The following KIF3A variants were observed in gnomAD, a reference collection of about 807,000 sequenced individuals.
KIF3A encodes the protein kinesin-like protein KIF3A.
In KIF3A, 27 loss-of-function variants were observed where a neutral mutation model predicts 92.6. The ratio of observed to expected loss-of-function variants is 0.29; its 90% CI spans 0.21 to 0.40. KIF3A has a LOEUF of 0.40. Among genes scored for constraint, KIF3A ranks in the 10% least tolerant of loss-of-function variants. The pLI, the probability that KIF3A is intolerant of heterozygous loss-of-function variation, is 1.00. For missense variants in KIF3A, 581 were observed against 872.6 expected (o/e 0.67, Z 4.21); for synonymous variants, 250 against 275.4 (o/e 0.91, Z 0.92).
downstream of KIF3A, among the ~76,000 whole-genome samples, chr5:132,690,319 A>C (rs1340916697): frequency 2.0e-5 from 3 of 152,172 alleles, no homozygotes; most frequent in African/African-American, 4.8e-5. Context: ...TGAACCCAGG[A>C]GTTCAAGGGG....
In KIF3A at chr5:132,730,474, GAA is replaced by G. The variant is rs59421775; in HGVS notation, c.280+3729_280+3730del. Among the ~76,000 whole-genome samples, 14 of 124,734 alleles carry G rather than the reference GAA, an allele frequency of 1.1e-4. 1 individual carries two copies. Among genetic ancestry groups the G allele is most frequent in the African/African-American group, 2.5e-4 (9 of 36,268 alleles). 81.8% of individuals were successfully genotyped at this position (124,734 alleles called of 152,430 possible). A position where few individuals can be genotyped will look rare whatever the true frequency, so the allele number is the denominator to read the frequency against. On this transcript the variant is annotated intron_variant, in intron 2 of 18. Coordinates refer to ENST00000403231, the MANE Select transcript of KIF3A (RefSeq NM_001300791.2). The stretch of plus-strand genomic sequence containing the variant: ...AGAGCAAGACTCTGTCTCAAAAAAA[GAA>G]AAAAAAAAAAAGAAAAAATAGATAA...
chr5:132,733,432 A>T (rs1754297918), intron 2 of KIF3A, among the ~76,000 whole-genome samples: 1 of 152,352 alleles, frequency 6.6e-6, no homozygotes, highest in East Asian at 1.9e-4. Flanking sequence ...ATACTTGTAC[A>T]CTAAAAGCTA....
chr5:132,729,718 T>C (rs1754161129), intron 2 of KIF3A, among the ~76,000 whole-genome samples: 1 of 152,128 alleles, frequency 6.6e-6, no homozygotes, highest in Admixed American at 6.6e-5. Context: ...AAACATAGTA[T>C]GTCAAAATCT....
chr5:132,696,522 C>A lies in KIF3A; in HGVS notation c.*112G>T. ...ATTATTTCCAGTCTTATTCATTGAT[C>A]TACAACTTCCATTAATTGAAATTAT... is the stretch of plus-strand genomic sequence containing the variant. On this transcript the variant is annotated 3_prime_UTR_variant, in exon 19 of 19. Transcript: ENST00000403231. The A allele has an allele frequency of 1.4e-6, 1 of 698,184 alleles. No homozygotes were observed. The allele number at this position is 698,184 out of a possible 1,614,324, so 43.2% of individuals were successfully genotyped here.
chr5:132,706,660 G>C (rs1175028087), intron 10 of KIF3A, among the ~76,000 whole-genome samples: 2 of 152,084 alleles, frequency 1.3e-5, no homozygotes, highest in East Asian at 3.9e-4. Flanking sequence ...TCAACACAAC[G>C]AGAGATGTCA....
chr5:132,722,597 T>C (rs1338722213), intron 4 of KIF3A, among the ~76,000 whole-genome samples: 2 of 152,248 alleles, frequency 1.3e-5, no homozygotes, highest in African/African-American at 4.8e-5. Context: ...AAACTACTTA[T>C]AATTATCTGA....
chr5:132,708,880 T>C (rs1371288678), intron 10 of KIF3A, 27 bp downstream of exon 10: 1 of 1,490,392 alleles, frequency 6.7e-7, no homozygotes, highest in South Asian at 1.2e-5. Flanking sequence ...CAAAGCTCTG[T>C]TAGAGAATGT....
intron 11 of KIF3A, 124 bp downstream of exon 11, chr5:132,706,327 C>A: frequency 1.8e-6 from 1 of 545,662 alleles, no homozygotes; most frequent in Non-Finnish European, 3.0e-6. Flanking sequence ...GTTAAAAATA[C>A]AAAAGATAGA....
rs148462742 is a variant in KIF3A, at chr5:132,734,411, T to C, written c.74A>G (p.Asn25Ser). 18 of 1,614,008 alleles carry C rather than the reference T, an allele frequency of 1.1e-5. No individual in the cohort carries two copies. Among genetic ancestry groups the C allele is most frequent in the Non-Finnish European group, 1.1e-5 (13 of 1,180,024 alleles). Residue 25 changes from asparagine to serine, a missense_variant, in exon 2 of 19, where the codon AAT (asparagine) becomes AGT (serine). Asn to Ser is a conservative substitution (Grantham distance 46). Transcript: ENST00000403231. ...GTAGCACATTGATTTCTCTCTCTCATTGAGGGGCCGGCACCTAACAACAAC... is the reference window on the plus strand; with the variant it reads ...GTAGCACATTGATTTCTCTCTCTCACTGAGGGGCCGGCACCTAACAACAAC... ...VKVVVRCRPL[N>S]EREKSMCYKQ...
In KIF3A at chr5:132,706,440, A is replaced by G; in HGVS notation, c.1309+11T>C. 1.3e-6 allele frequency: 2 copies of G among 1,539,480 alleles called. No individual in the cohort carries two copies. The highest frequency in any genetic ancestry group is 1.4e-5 in the African/African-American group (1 of 72,414). Reference sequence around the variant, plus strand: ...ATTGTACCATGTGGAGTGCAAATCAATCACACCAACCTGCTTGATCTTGCA... The same window carrying G: ...ATTGTACCATGTGGAGTGCAAATCAGTCACACCAACCTGCTTGATCTTGCA... On this transcript the variant is annotated intron_variant, in intron 11 of 18. Coordinates refer to ENST00000403231, the MANE Select transcript of KIF3A (RefSeq NM_001300791.2).
intron 4 of KIF3A, chr5:132,722,932 T>A (rs188119528): frequency 6.6e-6 from 1 of 152,234 alleles, no homozygotes; most frequent in African/African-American, 2.4e-5. Flanking sequence ...TGTTTACATA[T>A]CTAAATACTA....
At chr5:132,703,839 A>G (rs1032715522) in intron 11 of KIF3A, among the ~76,000 whole-genome samples, 1 of 151,968 alleles carries the variant, frequency 6.6e-6, no homozygotes, top group Non-Finnish European at 1.5e-5. Context: ...GTCCAATTGT[A>G]CAATGATAAC....
At chr5:132,733,817 A>C (rs1754310507) in intron 2 of KIF3A, among the ~76,000 whole-genome samples, 1 of 152,248 alleles carries the variant, frequency 6.6e-6, no homozygotes, top group African/African-American at 2.4e-5. Context: ...ATGTTCATGG[A>C]CTGAAGACTC....
Position 132,726,216 on chromosome 5 carries a change from T to C in KIF3A, c.426-4A>G, listed in dbSNP as rs749535662. On this transcript the variant is annotated splice_polypyrimidine_tract_variant and splice_region_variant and intron_variant, in intron 3 of 18. Coordinates refer to ENST00000403231, the MANE Select transcript of KIF3A (RefSeq NM_001300791.2). ...ATAAGACACTCGAACCAAAAATCTA[T>C]AAAACATCATTTTTAAAAAGTCAAA... The C allele has an allele frequency of 6.2e-7, 1 of 1,600,626 alleles. No individual in the cohort carries two copies. The highest frequency in any genetic ancestry group is 1.7e-5 in the Admixed American group (1 of 57,556).
chr5:132,724,789 T>G (rs1414321919), intron 4 of KIF3A, among the ~76,000 whole-genome samples: 1 of 55,224 alleles, frequency 1.8e-5, no homozygotes, highest in African/African-American at 1.3e-4. Context: ...ACTTAAAGTA[T>G]AATAAAAAAA....
intron 4 of KIF3A, 40 bp downstream of exon 4, chr5:132,726,088 G>T: frequency 7.1e-7 from 1 of 1,416,862 alleles, no homozygotes; most frequent in South Asian, 1.3e-5. Flanking sequence ...ATATTCTATT[G>T]CTTTGGAAAA....
chr5:132,707,956 G>A (rs12517135), intron 10 of KIF3A, among the ~76,000 whole-genome samples: 40,415 of 152,014 alleles, frequency 0.27, 7,023 homozygotes, highest in East Asian at 0.75. Flanking sequence ...TAAAATCCAC[G>A]TGATTCTGCA....
intron 5 of KIF3A, among the ~76,000 whole-genome samples, chr5:132,719,501 T>C (rs1049128246): frequency 1.3e-5 from 2 of 151,842 alleles, no homozygotes; most frequent in African/African-American, 4.8e-5. Flanking sequence ...CTAATCCCTC[T>C]TTTTTTCTTT....
Position 132,702,160 on chromosome 5 carries a change from T to C in KIF3A, c.1811A>G (p.Asn604Ser), listed in dbSNP as rs1467531810. 2 of 1,613,846 alleles carry C rather than the reference T, an allele frequency of 1.2e-6. No homozygotes were observed. The highest frequency in any genetic ancestry group is 2.2e-5 in the South Asian group (2 of 91,058). ...AAGCTCCCGGCTAAGTTGCCGAATG[T>C]TCTCCAGTAGGCCTTCAATTTCCCT... ...HQREIEGLLE[N>S]IRQLSRELRL... is the part of the protein sequence containing the mutation. Residue 604 changes from asparagine (N) to serine (S), a missense_variant, in exon 15 of 19, where the codon AAC (asparagine) becomes AGC (serine). Asn to Ser is a conservative substitution (Grantham distance 46). This residue lies in a region of KIF3A where 45 missense variants were observed against 115.8 expected (regional missense o/e 0.39). Coordinates refer to ENST00000403231, the MANE Select transcript of KIF3A (RefSeq NM_001300791.2).
Sources: gnomAD v4.1 joint callset for allele counts (sites outside exome capture counted in the v4.1 genomes callset) on GRCh38, gnomAD v4.1.1 for gene constraint, gnomAD v4.1.1 regional missense constraint, MANE v1.5 for transcripts, NCBI Gene and HGNC (gene_info 2026-07-23, HGNC 2026-07-21) for gene names.